Variants in SETBP1 observed in about 807,000 individuals in gnomAD.
SETBP1 encodes SET binding protein 1.
SETBP1 carries 9 observed loss-of-function variants against 101.0 expected under a neutral mutation model. The observed-to-expected ratio is 0.09, with a 90% CI of 0.05 to 0.16. The LOEUF is 0.16. SETBP1 is among the 10% of genes least tolerant of loss of function. The probability of loss-of-function intolerance (pLI) is 1.00; values close to 1 mark genes in which losing one functional copy is unlikely to be tolerated. For missense variants in SETBP1, 1,858 were observed against 2,033.8 expected, an observed-to-expected ratio of 0.91 and a Z score of 1.66; for synonymous variants, 818 against 788.5, an observed-to-expected ratio of 1.04 and a Z score of -0.63.
intron 2 of SETBP1, among the ~76,000 whole-genome samples, chr18:44,722,108 G>C (rs1362975401): frequency 6.6e-6 from 1 of 152,130 alleles, no homozygotes; most frequent in Non-Finnish European, 1.5e-5. Flanking sequence ...GAGGGTATCT[G>C]GACATGTGTA....
At chr18:44,930,450 T>C (rs1409058544) in intron 3 of SETBP1, among the ~76,000 whole-genome samples, 1 of 152,222 alleles carries the variant, frequency 6.6e-6, no homozygotes, top group African/African-American at 2.4e-5. Context: ...GTTGGCCTCA[T>C]AAAATGAATT....
At chr18:45,029,569 G>A (rs1285953873) in intron 4 of SETBP1, among the ~76,000 whole-genome samples, 1 of 152,144 alleles carries the variant, frequency 6.6e-6, no homozygotes, top group Non-Finnish European at 1.5e-5. Flanking sequence ...GTAGCTTGAT[G>A]GGGATGGCAT....
intron 4 of SETBP1, among the ~76,000 whole-genome samples, chr18:45,035,698 A>G (rs1401058995): frequency 6.6e-6 from 1 of 152,246 alleles, no homozygotes; most frequent in Non-Finnish European, 1.5e-5. Flanking sequence ...ACTTGTGTCC[A>G]CAGGTATAAA....
intron 2 of SETBP1, among the ~76,000 whole-genome samples, chr18:44,868,040 C>G (rs2069167999): frequency 6.6e-6 from 1 of 152,222 alleles, no homozygotes; most frequent in African/African-American, 2.4e-5. Context: ...CTCTTTATCT[C>G]ACACTTTCCC....
intron 2 of SETBP1, among the ~76,000 whole-genome samples, chr18:44,846,863 A>G (rs550632706): frequency 1.3e-5 from 2 of 152,326 alleles, no homozygotes; most frequent in South Asian, 2.1e-4. Context: ...TTCCAAATCA[A>G]TATATTGAAT....
chr18:44,902,923 G>A (rs1222483199), intron 3 of SETBP1, among the ~76,000 whole-genome samples: 1 of 151,662 alleles, frequency 6.6e-6, no homozygotes, highest in Non-Finnish European at 1.5e-5. Flanking sequence ...TGCCAAATAT[G>A]GCTATTAAAT....
chr18:44,781,354 G>A (rs900526635), intron 2 of SETBP1, among the ~76,000 whole-genome samples: 1 of 151,938 alleles, frequency 6.6e-6, no homozygotes, highest in Non-Finnish European at 1.5e-5. Flanking sequence ...TTCACACATG[G>A]TATTCTGATT....
intron 4 of SETBP1, among the ~76,000 whole-genome samples, chr18:44,958,360 T>C (rs552564635): frequency 6.6e-6 from 1 of 152,314 alleles, no homozygotes; most frequent in South Asian, 2.1e-4. Flanking sequence ...GATTTCTCCT[T>C]TGCGAAAGGT....
chr18:44,944,067 C>T (rs2071148653), intron 3 of SETBP1, among the ~76,000 whole-genome samples: 1 of 152,052 alleles, frequency 6.6e-6, no homozygotes. Context: ...TTTCTGACCT[C>T]AAGTGATCCA....
At chr18:44,783,994 G>A (rs1446972202) in intron 2 of SETBP1, among the ~76,000 whole-genome samples, 1 of 152,200 alleles carries the variant, frequency 6.6e-6, no homozygotes, top group African/African-American at 2.4e-5. Context: ...AATGTAGAAG[G>A]CCACCCTTGC....
intron 2 of SETBP1, among the ~76,000 whole-genome samples, chr18:44,776,512 G>A (rs2071006916): frequency 6.6e-6 from 1 of 152,164 alleles, no homozygotes. Context: ...CACAGGGACA[G>A]GAAATTTCAT....
intron 4 of SETBP1, among the ~76,000 whole-genome samples, chr18:45,028,192 G>A (rs1222838763): frequency 8.0e-6 from 1 of 125,038 alleles, no homozygotes; most frequent in Non-Finnish European, 1.6e-5. Context: ...CCCAGAGTGT[G>A]ATGTTCCCCT....
chr18:44,747,881 T>C (rs1407422138), intron 2 of SETBP1, among the ~76,000 whole-genome samples: 1 of 152,220 alleles, frequency 6.6e-6, no homozygotes, highest in East Asian at 1.9e-4. Flanking sequence ...CAAGCTGATA[T>C]CTAGGAGATC....
intron 4 of SETBP1, among the ~76,000 whole-genome samples, chr18:45,032,650 T>TA (rs776319958): frequency 6.6e-6 from 1 of 152,190 alleles, no homozygotes; most frequent in African/African-American, 2.4e-5. Context: ...AGAATGGGGA[T>TA]AAAATCCATC....
chr18:44,709,374 C>G (rs1051293728), intron 2 of SETBP1, among the ~76,000 whole-genome samples: 1 of 152,186 alleles, frequency 6.6e-6, no homozygotes, highest in African/African-American at 2.4e-5. Context: ...TTAGAAAGAG[C>G]CTCCACTCTG....
intron 5 of SETBP1, among the ~76,000 whole-genome samples, chr18:45,058,938 C>T (rs1170028914): frequency 6.6e-6 from 1 of 152,150 alleles, no homozygotes; most frequent in Non-Finnish European, 1.5e-5. Flanking sequence ...GGATGCATGA[C>T]CTTCACGGGG....
intron 2 of SETBP1, among the ~76,000 whole-genome samples, chr18:44,752,853 G>T (rs1339631684): frequency 1.3e-5 from 2 of 152,134 alleles, no homozygotes; most frequent in Admixed American, 1.3e-4. Flanking sequence ...TAACCTTCTG[G>T]AATTGGATGC....
chr18:44,972,786 T>G (rs2071896788), intron 4 of SETBP1, among the ~76,000 whole-genome samples: 1 of 152,188 alleles, frequency 6.6e-6, no homozygotes, highest in Middle Eastern at 3.2e-3. Context: ...GCTGAGATGA[T>G]GGGGTTTTCT....
At chr18:44,995,526 CTTTTGT>C (rs2072476483) in intron 4 of SETBP1, among the ~76,000 whole-genome samples, 1 of 104,000 alleles carries the variant, frequency 9.6e-6, no homozygotes, top group African/African-American at 4.1e-5. Flanking sequence ...CATGTCCAGG[CTTTTGT>C]GTGTGTGTGT....
Sources: gnomAD v4.1 joint callset for allele counts (sites outside exome capture counted in the v4.1 genomes callset) on GRCh38, gnomAD v4.1.1 for gene constraint, MANE v1.5 for transcripts, NCBI Gene and HGNC (gene_info 2026-07-23, HGNC 2026-07-21) for gene names.